The following NLK variants were observed in gnomAD, a reference collection of about 807,000 sequenced individuals.
NLK encodes the protein nemo like kinase.
Under a neutral mutation model 59.0 loss-of-function variants are expected in NLK, and 11 were observed. That is an observed-to-expected ratio of 0.19 (90% CI 0.12 to 0.31). The LOEUF (loss-of-function observed/expected upper bound fraction) is 0.31. Among genes scored for constraint, NLK ranks in the 10% least tolerant of loss-of-function variants. The pLI is 1.00. For missense variants in NLK, 410 were observed against 661.1 expected (o/e 0.62, Z 4.16); for synonymous variants, 235 against 235.9 (o/e 1.00, Z 0.03).
At chr17:28,149,177 A>G (rs993370296) in intron 3 of NLK, among the ~76,000 whole-genome samples, 4 of 152,026 alleles carry the variant, frequency 2.6e-5, no homozygotes, top group South Asian at 4.2e-4. Context: ...AAATCCTTTC[A>G]CTTTAGGCAC....
chr17:28,185,607 G>C (rs973810259), intron 8 of NLK, among the ~76,000 whole-genome samples: 2 of 152,134 alleles, frequency 1.3e-5, no homozygotes, highest in Non-Finnish European at 2.9e-5. Context: ...GGAGTGCAGA[G>C]GTGTGATCTC....
chr17:28,152,546 T>C (rs1901072699), intron 3 of NLK, among the ~76,000 whole-genome samples: 1 of 152,192 alleles, frequency 6.6e-6, no homozygotes, highest in Non-Finnish European at 1.5e-5. Flanking sequence ...ATGCAAGAAC[T>C]CTTCAATCCT....
intron 3 of NLK, among the ~76,000 whole-genome samples, chr17:28,133,399 G>A (rs1906602844): frequency 1.3e-5 from 2 of 152,168 alleles, no homozygotes; most frequent in African/African-American, 4.8e-5. Context: ...CCTTACCTAT[G>A]TGATTCTCAG....
chr17:28,110,686 C>CT (rs1905427248), intron 1 of NLK, among the ~76,000 whole-genome samples: 1 of 151,886 alleles, frequency 6.6e-6, no homozygotes, highest in South Asian at 2.1e-4. Flanking sequence ...TTTTTTCAAA[C>CT]TTTTTTCTTC....
At chr17:28,203,142 T>G in the NLK span, among the ~76,000 whole-genome samples, 1 of 144,400 alleles carries the variant, frequency 6.9e-6, no homozygotes, top group Non-Finnish European at 1.5e-5. Flanking sequence ...CGTATGTGTG[T>G]GTATGAATGT....
chr17:28,072,483 G>A (rs954096055), intron 1 of NLK, among the ~76,000 whole-genome samples: 7 of 151,648 alleles, frequency 4.6e-5, no homozygotes, highest in Admixed American at 6.6e-5. Flanking sequence ...ATGCCACCAC[G>A]CCCAACTAAT....
intron 10 of NLK, 108 bp downstream of exon 10, chr17:28,192,321 G>A (rs1203112382): frequency 1.5e-6 from 1 of 650,398 alleles, no homozygotes; most frequent in Admixed American, 2.8e-5. Flanking sequence ...GATAAAAGGT[G>A]CAACAGAAAG....
chr17:28,151,090 T>C (rs1907461866), intron 3 of NLK, among the ~76,000 whole-genome samples: 1 of 152,214 alleles, frequency 6.6e-6, no homozygotes, highest in South Asian at 2.1e-4. Context: ...AGATAGATGC[T>C]GTTCAAGTTA....
chr17:28,100,246 A>T (rs960516096), intron 1 of NLK, among the ~76,000 whole-genome samples: 5 of 152,188 alleles, frequency 3.3e-5, no homozygotes, highest in African/African-American at 1.2e-4. Flanking sequence ...ACTTTATAAG[A>T]TACCACCATA....
intron 1 of NLK, among the ~76,000 whole-genome samples, chr17:28,094,109 A>AT (rs1489684248): frequency 2.0e-5 from 3 of 152,194 alleles, no homozygotes; most frequent in African/African-American, 7.2e-5. Context: ...GATGATACTT[A>AT]ATAACTTGTG....
At chr17:28,079,249 C>T (rs1334032088) in intron 1 of NLK, among the ~76,000 whole-genome samples, 1 of 151,914 alleles carries the variant, frequency 6.6e-6, no homozygotes, top group Non-Finnish European at 1.5e-5. Flanking sequence ...ATGTATATAC[C>T]GTATTTTCTT....
downstream of NLK, among the ~76,000 whole-genome samples, chr17:28,199,127 G>T (rs1461190767): frequency 6.6e-6 from 1 of 152,146 alleles, no homozygotes; most frequent in Non-Finnish European, 1.5e-5. Flanking sequence ...ATTAGAATGA[G>T]CCTGAATCTA....
intron 1 of NLK, among the ~76,000 whole-genome samples, chr17:28,069,949 T>C (rs937757322): frequency 1.3e-5 from 2 of 152,174 alleles, no homozygotes; most frequent in African/African-American, 4.8e-5. Flanking sequence ...AAGAAATCTT[T>C]GTCTAGCTGG....
chr17:28,101,875 G>A (rs1223987869), intron 1 of NLK, among the ~76,000 whole-genome samples: 1 of 151,748 alleles, frequency 6.6e-6, no homozygotes, highest in African/African-American at 2.4e-5. Flanking sequence ...CCTTATATAG[G>A]TATAAAATGT....
intron 1 of NLK, among the ~76,000 whole-genome samples, chr17:28,078,903 A>G (rs1205127035): frequency 6.6e-6 from 1 of 152,212 alleles, no homozygotes; most frequent in Non-Finnish European, 1.5e-5. Context: ...TTGTTAAAAT[A>G]AAATTGACCA....
intron 1 of NLK, among the ~76,000 whole-genome samples, chr17:28,087,833 C>T (rs934093068): frequency 4.2e-4 from 63 of 151,194 alleles, no homozygotes; most frequent in African/African-American, 1.5e-3. Context: ...GAATCTGTAA[C>T]CCATGATGAA....
intron 6 of NLK, among the ~76,000 whole-genome samples, chr17:28,171,922 C>G (rs1247189581): frequency 6.6e-6 from 1 of 151,586 alleles, no homozygotes; most frequent in African/African-American, 2.4e-5. Flanking sequence ...TAAATAGGAA[C>G]TTTTAAATAA....
chr17:28,058,560 G>A (rs1316633018), intron 1 of NLK, among the ~76,000 whole-genome samples: 2 of 152,180 alleles, frequency 1.3e-5, no homozygotes, highest in Non-Finnish European at 2.9e-5. Context: ...GCCTAGCCTG[G>A]TCCCATGATG....
intron 1 of NLK, among the ~76,000 whole-genome samples, chr17:28,052,163 A>G (rs970829712): frequency 1.3e-5 from 2 of 152,118 alleles, no homozygotes; most frequent in African/African-American, 4.8e-5. Flanking sequence ...TCCTGATAAT[A>G]TTTACCTTTT....
Sources: gnomAD v4.1 joint callset for allele counts (sites outside exome capture counted in the v4.1 genomes callset) on GRCh38, gnomAD v4.1.1 for gene constraint, MANE v1.5 for transcripts, NCBI Gene and HGNC (gene_info 2026-07-23, HGNC 2026-07-21) for gene names.